Variants in OPCML observed in about 807,000 individuals in gnomAD.
OPCML encodes opioid binding protein/cell adhesion molecule like.
Under a neutral mutation model 37.8 loss-of-function variants are expected in OPCML, and 13 were observed. The ratio of observed to expected loss-of-function variants is 0.34; its 90% CI spans 0.22 to 0.55. The LOEUF is 0.55. Ranked by LOEUF, OPCML falls within the 20% of genes least tolerant of loss-of-function variation. The pLI is 0.91. For synonymous variants in OPCML, 176 were observed against 168.8 expected (o/e 1.04, Z -0.33); for missense variants, 341 against 435.6 (o/e 0.78, Z 1.93).
chr11:132,815,074 C>T (rs1939553920), intron 2 of OPCML, among the ~76,000 whole-genome samples: 1 of 152,160 alleles, frequency 6.6e-6, no homozygotes, highest in African/African-American at 2.4e-5. Context: ...CCCCATAAAA[C>T]CCTTTGCTGT....
At chr11:132,942,759 C>A (rs559635565) in intron 2 of OPCML, among the ~76,000 whole-genome samples, 167 bp downstream of exon 2, 2 of 152,350 alleles carry the variant, frequency 1.3e-5, no homozygotes, top group African/African-American at 4.8e-5. Flanking sequence ...ACAAACCTGT[C>A]CAGGGGCACG....
intron 4 of OPCML, among the ~76,000 whole-genome samples, chr11:132,448,183 G>A (rs987678992): frequency 1.3e-5 from 2 of 152,210 alleles, no homozygotes; most frequent in Non-Finnish European, 2.9e-5. Flanking sequence ...ATGAAGCCTT[G>A]ATGCAGCCTG....
At chr11:133,043,392 G>A (rs1947945615) in intron 1 of OPCML, among the ~76,000 whole-genome samples, 1 of 152,206 alleles carries the variant, frequency 6.6e-6, no homozygotes, top group Admixed American at 6.5e-5. Flanking sequence ...ATGCCAGGCT[G>A]ACCAAGGGCT....
At chr11:133,137,157 C>T (rs1038039234) in intron 1 of OPCML, among the ~76,000 whole-genome samples, 1 of 152,022 alleles carries the variant, frequency 6.6e-6, no homozygotes, top group African/African-American at 2.4e-5. Context: ...GGCATTTTTA[C>T]AGAGCATTTG....
chr11:133,398,237 C>T (rs757551206), intron 1 of OPCML, among the ~76,000 whole-genome samples: 20 of 152,230 alleles, frequency 1.3e-4, no homozygotes, highest in Non-Finnish European at 2.4e-4. Context: ...TTTCAAGCCT[C>T]GTCTCTGATC....
intron 1 of OPCML, among the ~76,000 whole-genome samples, chr11:132,997,676 A>G (rs1486651746): frequency 7.9e-5 from 12 of 151,992 alleles, no homozygotes; most frequent in Non-Finnish European, 4.4e-5. Flanking sequence ...TCTCAAGAGA[A>G]GACTCCTGGC....
intron 3 of OPCML, among the ~76,000 whole-genome samples, chr11:132,596,231 T>C (rs2096492211): frequency 6.6e-6 from 1 of 152,202 alleles, no homozygotes; most frequent in African/African-American, 2.4e-5. Context: ...GCTACTGTTA[T>C]TATTGTCATT....
At chr11:132,562,359 A>G (rs1480390327) in intron 3 of OPCML, among the ~76,000 whole-genome samples, 1 of 152,062 alleles carries the variant, frequency 6.6e-6, no homozygotes, top group Non-Finnish European at 1.5e-5. Flanking sequence ...TGAAAAAATC[A>G]GGGGTATAAC....
At chr11:132,438,256 C>A (rs75066584) in intron 4 of OPCML, among the ~76,000 whole-genome samples, 113 of 152,346 alleles carry the variant, frequency 7.4e-4, no homozygotes, top group African/African-American at 2.5e-3. Flanking sequence ...TCTTCCATCA[C>A]AAATGTTCTG....
At chr11:133,412,510 C>A (rs1262743540) in intron 1 of OPCML, among the ~76,000 whole-genome samples, 1 of 152,172 alleles carries the variant, frequency 6.6e-6, no homozygotes, top group African/African-American at 2.4e-5. Flanking sequence ...TCATCATCAA[C>A]CTCATGATAG....
intron 4 of OPCML, among the ~76,000 whole-genome samples, chr11:132,477,166 C>T (rs990357391): frequency 9.2e-5 from 14 of 152,172 alleles, no homozygotes; most frequent in African/African-American, 3.1e-4. Context: ...CAAATGAGGA[C>T]TCAGAGCCAG....
intron 1 of OPCML, among the ~76,000 whole-genome samples, chr11:133,050,722 T>TCC (rs1491081189): frequency 4.7e-4 from 2 of 4,222 alleles, no homozygotes; most frequent in East Asian, 7.1e-3. Context: ...TCTTCTTCCT[T>TCC]TTTTTTTTTT....
intron 4 of OPCML, among the ~76,000 whole-genome samples, chr11:132,526,217 A>G (rs1003731675): frequency 4.6e-5 from 7 of 152,230 alleles, no homozygotes; most frequent in Non-Finnish European, 1.0e-4. Flanking sequence ...TTCCAAGCTT[A>G]GAGAACTGTG....
intron 4 of OPCML, among the ~76,000 whole-genome samples, chr11:132,524,279 T>A (rs137942072): frequency 1.3e-5 from 2 of 152,296 alleles, no homozygotes; most frequent in Non-Finnish European, 2.9e-5. Flanking sequence ...TGATTCACAA[T>A]GTATTCCAAT....
intron 3 of OPCML, among the ~76,000 whole-genome samples, chr11:132,531,804 G>T (rs534033294): frequency 1.3e-5 from 2 of 151,536 alleles, no homozygotes; most frequent in East Asian, 3.9e-4. Flanking sequence ...ATAGTTCTGG[G>T]CTTAGAAATG....
In OPCML at chr11:132,731,094, A is replaced by C. The variant is rs564055816; in HGVS notation, c.147-73775T>G. On this transcript the variant is annotated intron_variant, in intron 2 of 7. Transcript: ENST00000524381. ...AAATGTTCCATCAACTGTCCTGTCC[A>C]GTGGGGTAACCACATATGGTTATTG... 1.7e-3 allele frequency among the ~76,000 whole-genome samples: 255 copies of C among 152,356 alleles called. 1 individual carries two copies. Among genetic ancestry groups the C allele is most frequent in the African/African-American group, 5.9e-3 (246 of 41,588 alleles).
chr11:133,018,638 C>A lies in OPCML; in HGVS notation c.62-75628G>T, dbSNP rs117583979. Reference sequence around the variant, plus strand: ...TTTAGAGGTCAGCCAGTCCATTGTGCGGTTGCTGGTTTCACACCAGCCCTT... The same window carrying A: ...TTTAGAGGTCAGCCAGTCCATTGTGAGGTTGCTGGTTTCACACCAGCCCTT... On this transcript the variant is annotated intron_variant, in intron 1 of 7. Transcript: ENST00000524381. Among the ~76,000 whole-genome samples the A allele has an allele frequency of 3.9e-5, 6 of 152,332 alleles. No individual in the cohort carries two copies. In the East Asian group the frequency reaches 7.7e-4, roughly 20 times the overall value.
intron 1 of OPCML, among the ~76,000 whole-genome samples, chr11:133,493,895 G>A (rs7125139): frequency 0.023 from 3,484 of 151,654 alleles, 132 homozygotes; most frequent in African/African-American, 0.079. Context: ...TCTGCACAGC[G>A]AAAGAAACTA....
At chr11:132,487,659 C>T (rs1323885819) in intron 4 of OPCML, among the ~76,000 whole-genome samples, 1 of 152,130 alleles carries the variant, frequency 6.6e-6, no homozygotes, top group African/African-American at 2.4e-5. Flanking sequence ...TGGGGTTTTC[C>T]TCCTCCAGGA....
Sources: gnomAD v4.1 joint callset for allele counts (sites outside exome capture counted in the v4.1 genomes callset) on GRCh38, gnomAD v4.1.1 for gene constraint, MANE v1.5 for transcripts, NCBI Gene and HGNC (gene_info 2026-07-23, HGNC 2026-07-21) for gene names.